LIPK: variants seen among roughly 807,000 people sequenced by gnomAD.
LIPK encodes the protein lipase family member K, also known as lipase member K.
Under a neutral mutation model 48.6 loss-of-function variants are expected in LIPK, and 32 were observed. The ratio of observed to expected loss-of-function variants is 0.66; its 90% CI spans 0.50 to 0.88. The LOEUF (loss-of-function observed/expected upper bound fraction) is 0.88. Among genes scored for constraint, LIPK ranks in the 40% least tolerant of loss-of-function variants. LIPK has a pLI of 0.00. For missense variants in LIPK, 507 were observed against 478.5 expected (o/e 1.06, Z -0.56); for synonymous variants, 164 against 157.4 (o/e 1.04, Z -0.32).
chr10:88,716,677 T>C (rs1209970228), intron 1 of LIPK, among the ~76,000 whole-genome samples: 1 of 152,132 alleles, frequency 6.6e-6, no homozygotes, highest in African/African-American at 2.4e-5. Flanking sequence ...AAAATTTCAG[T>C]TTCCAGCTTT....
intron 3 of LIPK, chr10:88,728,699 G>T: frequency 2.5e-6 from 1 of 395,548 alleles, no homozygotes. Flanking sequence ...GCAGGTGTAT[G>T]CATAGGAAGA....
rs1213238538 is a variant in LIPK, at chr10:88,731,326, C to G, written c.422+145C>G. ...ACAAACCTTTCTTTCTCTACCCAAA[C>G]TTTCTTCACAGGCTCTAAAGAACTG... On this transcript the variant is annotated intron_variant, in intron 4 of 9. Coordinates refer to ENST00000404190, the MANE Select transcript of LIPK (RefSeq NM_001080518.2). 7.3e-6 allele frequency: 5 copies of G among 681,034 alleles called. No homozygotes were observed. The Admixed American group carries it at 1.8e-4, about 25-fold the overall frequency. 42.2% of individuals were successfully genotyped at this position (681,034 alleles called of 1,614,324 possible).
chr10:88,732,648 G>C, intron 6 of LIPK, 97 bp downstream of exon 6: 1 of 1,215,196 alleles, frequency 8.2e-7, no homozygotes. Context: ...AAACTTCTGA[G>C]AAAATAATAG....
intron 3 of LIPK, chr10:88,728,705 GA>G: frequency 2.6e-6 from 1 of 386,856 alleles, no homozygotes; most frequent in Admixed American, 2.6e-5. Flanking sequence ...GTATGCATAG[GA>G]AGACAAGCAG....
At chr10:88,728,149 T>C (rs378425) in intron 3 of LIPK, 165,710 of 218,974 alleles carry the variant, frequency 0.76, 63,833 homozygotes, top group East Asian at 1. Context: ...GTAGAATAAG[T>C]AGTCTCGCCT....
At chr10:88,726,999 A>C (rs1195400450) in intron 3 of LIPK, 87 bp downstream of exon 3, 1 of 780,470 alleles carries the variant, frequency 1.3e-6, no homozygotes, top group East Asian at 2.7e-5. Flanking sequence ...TTTTGTTCTG[A>C]AATTCTTAAC....
chr10:88,733,889 G>A (rs1223840377), intron 6 of LIPK, among the ~76,000 whole-genome samples: 1 of 152,196 alleles, frequency 6.6e-6, no homozygotes, highest in Non-Finnish European at 1.5e-5. Flanking sequence ...TTGTTGGTAT[G>A]AGTAAAAACT....
rs536136749 is a variant in LIPK at position 88,731,315 on chromosome 10, C to T, written c.422+134C>T. On this transcript the variant is annotated intron_variant, in intron 4 of 9. Transcript: ENST00000404190. The stretch of plus-strand genomic sequence containing the variant: ...ACAAGAAGGAAACAAACCTTTCTTT[C>T]TCTACCCAAACTTTCTTCACAGGCT... The T allele has an allele frequency of 4.0e-5, 30 of 741,742 alleles. No homozygotes were observed. In the South Asian group the frequency reaches 5.9e-4, roughly 14 times the overall value. The allele number at this position is 741,742 out of a possible 1,614,324, so 45.9% of individuals were successfully genotyped here. A position where few individuals can be genotyped will look rare whatever the true frequency, so the allele number is the denominator to read the frequency against.
chr10:88,750,328 G>A (rs1003954620), intron 9 of LIPK, among the ~76,000 whole-genome samples: 26 of 151,932 alleles, frequency 1.7e-4, no homozygotes, highest in Admixed American at 3.9e-4. Flanking sequence ...AATATAAATC[G>A]TTCTATCAAA....
chr10:88,722,184 A>C (rs989118801), intron 1 of LIPK, among the ~76,000 whole-genome samples: 1 of 152,152 alleles, frequency 6.6e-6, no homozygotes, highest in African/African-American at 2.4e-5. Flanking sequence ...AATCCCAGCT[A>C]TTCCGGGGGC....
chr10:88,719,571 C>T (rs982874873), intron 1 of LIPK, among the ~76,000 whole-genome samples: 12 of 152,304 alleles, frequency 7.9e-5, no homozygotes, highest in African/African-American at 2.6e-4. Context: ...TACCATTGAT[C>T]AAACTGAAAT....
intron 3 of LIPK, among the ~76,000 whole-genome samples, chr10:88,729,381 CTATT>C (rs1842420948): frequency 6.6e-6 from 1 of 151,790 alleles, no homozygotes; most frequent in South Asian, 2.1e-4. Flanking sequence ...ATCAGAAAGA[CTATT>C]TATTTAAAGA....
intron 9 of LIPK, among the ~76,000 whole-genome samples, chr10:88,750,513 G>C (rs1381856035): frequency 1.3e-5 from 2 of 152,114 alleles, no homozygotes; most frequent in Non-Finnish European, 2.9e-5. Context: ...TGTGGATGCA[G>C]GTGGAGGCCA....
chr10:88,735,965 C>T (rs1176426729), intron 6 of LIPK, among the ~76,000 whole-genome samples: 2 of 152,030 alleles, frequency 1.3e-5, no homozygotes, highest in African/African-American at 4.8e-5. Context: ...TAATTTACTC[C>T]GTATTTGGGA....
At chr10:88,737,903 A>G in intron 7 of LIPK, 122 bp downstream of exon 7, 1 of 1,021,162 alleles carries the variant, frequency 9.8e-7, no homozygotes. Context: ...GAATGTAATT[A>G]GTACATTTAT....
At chr10:88,737,443 G>T (rs1842594928) in intron 6 of LIPK, among the ~76,000 whole-genome samples, 192 bp from the exon 7 acceptor site, 1 of 152,228 alleles carries the variant, frequency 6.6e-6, no homozygotes, top group African/African-American at 2.4e-5. Context: ...CCCAATTAAA[G>T]ATTTTTGGGA....
Position 88,726,833 on chromosome 10 carries a change from G to A in LIPK, c.144G>A (p.Glu48=), listed in dbSNP as rs201655466. The A allele has an allele frequency of 2.3e-4, 369 of 1,606,180 alleles. No homozygotes were observed. Among genetic ancestry groups the A allele is most frequent in the Non-Finnish European group, 3.0e-4 (349 of 1,174,012 alleles). The stretch of plus-strand genomic sequence containing the variant: ...CTTACTGGGGTTATCCTTATGAAGA[G>A]TATGATGTTACAACAAAAGATGGTT... ...IISYWGYPYE[E]YDVTTKDGYI... Residue 48 remains glutamate, a synonymous_variant, in exon 3 of 10, where the codon GAG becomes GAA. Transcript: ENST00000404190.
chr10:88,739,445 G>A (rs1030252757), intron 7 of LIPK, among the ~76,000 whole-genome samples: 1 of 152,150 alleles, frequency 6.6e-6, no homozygotes, highest in African/African-American at 2.4e-5. Flanking sequence ...CCCTCTGTAG[G>A]CTTTCTGAAG....
chr10:88,731,062 T>G lies in LIPK; in HGVS notation c.303T>G (p.Ser101Arg). ...GGATTTGCAACCTGCCCAACAACAG[T>G]TTGGCTTTCCTTCTGGCAGATAGTG... ...SNWICNLPNN[S>R]LAFLLADSGY... The change falls in exon 4 of 10, where the codon AGT (serine) becomes AGG (arginine). Residue 101 changes from serine (S) to arginine (R), a missense_variant. Ser to Arg is a moderately radical substitution (Grantham distance 110). Coordinates refer to ENST00000404190, the MANE Select transcript of LIPK (RefSeq NM_001080518.2). 1 of 1,603,514 alleles carries G rather than the reference T, an allele frequency of 6.2e-7. No individual in the cohort carries two copies. The highest frequency in any genetic ancestry group is 8.5e-7 in the Non-Finnish European group (1 of 1,174,764).
Sources: gnomAD v4.1 joint callset for allele counts (sites outside exome capture counted in the v4.1 genomes callset) on GRCh38, gnomAD v4.1.1 for gene constraint, MANE v1.5 for transcripts, NCBI Gene and HGNC (gene_info 2026-07-23, HGNC 2026-07-21) for gene names.